Variants in MYH9 observed in about 807,000 individuals in gnomAD.
MYH9 encodes the protein myosin-9.
Under a neutral mutation model 241.9 loss-of-function variants are expected in MYH9, and 29 were observed. The observed-to-expected ratio is 0.12, with a 90% CI of 0.09 to 0.16. The LOEUF (loss-of-function observed/expected upper bound fraction) is 0.16, where lower values mean the gene tolerates loss of function less well. MYH9 is among the 10% of genes least tolerant of loss of function. MYH9 has a pLI of 1.00. For missense variants in MYH9, 1,803 were observed against 2,595.5 expected, an observed-to-expected ratio of 0.69 and a Z score of 6.63; for synonymous variants, 1,047 against 1,062.6, an observed-to-expected ratio of 0.99 and a Z score of 0.29.
chr22:36,368,026 C>T (rs149406389), intron 1 of MYH9, among the ~76,000 whole-genome samples: 4 of 152,316 alleles, frequency 2.6e-5, no homozygotes, highest in Middle Eastern at 3.4e-3. Context: ...CACATGCCTG[C>T]ATACAGACAC....
chr22:36,385,091 G>C (rs1255324053), intron 1 of MYH9, among the ~76,000 whole-genome samples: 1 of 152,034 alleles, frequency 6.6e-6, no homozygotes, highest in Non-Finnish European at 1.5e-5. Flanking sequence ...TAATTACGAC[G>C]ACACACAGAT....
At chr22:36,303,361 A>C (rs1411624574) in intron 19 of MYH9, among the ~76,000 whole-genome samples, 1 of 151,886 alleles carries the variant, frequency 6.6e-6, no homozygotes, top group Non-Finnish European at 1.5e-5. Context: ...CTTTAGGGAC[A>C]GGCAGGCTCT....
At chr22:36,374,780 G>T (rs1314623881) in intron 1 of MYH9, among the ~76,000 whole-genome samples, 1 of 152,194 alleles carries the variant, frequency 6.6e-6, no homozygotes. Context: ...AGGCTGGGTC[G>T]TGGCCTAAGG....
At chr22:36,345,241 G>C (rs540813290) in intron 2 of MYH9, among the ~76,000 whole-genome samples, 175 of 150,966 alleles carry the variant, frequency 1.2e-3, no homozygotes, top group African/African-American at 4.2e-3. Context: ...GAACCCGGGA[G>C]GCAGAGGTTG....
chr22:36,353,988 T>C (rs948700200), intron 1 of MYH9, among the ~76,000 whole-genome samples: 1 of 151,648 alleles, frequency 6.6e-6, no homozygotes, highest in Non-Finnish European at 1.5e-5. Context: ...GCAACCTCCA[T>C]CTCCTGGGTT....
intron 24 of MYH9, among the ~76,000 whole-genome samples, chr22:36,298,316 T>C (rs1446810610): frequency 2.0e-5 from 3 of 152,050 alleles, no homozygotes; most frequent in African/African-American, 7.3e-5. Context: ...CCTGTGCTTC[T>C]ACCCCAGCAC....
At position 36,305,442 on chromosome 22, in the gene MYH9, G is replaced by A. The variant is rs1043303049; in HGVS notation, c.2160-340C>T. ...CATGTTCACACAGCTTCCCTGGGAC[G>A]CTGCAGGGAGCTGCTAATAAACAGA... On this transcript the variant is annotated intron_variant, in intron 17 of 40. Coordinates refer to ENST00000216181, the MANE Select transcript of MYH9 (RefSeq NM_002473.6). The surrounding 1 kb of genome is among the most constrained non-coding windows in gnomAD (Gnocchi z 4.7). 1.3e-5 allele frequency among the ~76,000 whole-genome samples: 2 copies of A among 152,180 alleles called. No homozygotes were observed. The highest frequency in any genetic ancestry group is 2.4e-5 in the African/African-American group (1 of 41,446).
intron 19 of MYH9, among the ~76,000 whole-genome samples, chr22:36,303,091 G>C (rs553477711): frequency 3.9e-5 from 6 of 152,158 alleles, no homozygotes; most frequent in Admixed American, 3.3e-4. Context: ...GTGGGAGAAC[G>C]TCAGAAGCTG....
intron 18 of MYH9, among the ~76,000 whole-genome samples, chr22:36,304,616 C>A (rs2016939979): frequency 6.6e-6 from 1 of 152,184 alleles, no homozygotes. Flanking sequence ...TCCAGCACTG[C>A]GCTAGGGCTG....
chr22:36,313,310 G>C (rs1482927610), intron 13 of MYH9, among the ~76,000 whole-genome samples: 3 of 150,314 alleles, frequency 2.0e-5, no homozygotes, highest in South Asian at 2.1e-4. Context: ...AAATTAGCTG[G>C]GCGTGGTGGC....
intron 40 of MYH9, 28 bp downstream of exon 40, chr22:36,284,065 A>G (rs1393720021): frequency 4.4e-6 from 7 of 1,589,986 alleles, no homozygotes; most frequent in Non-Finnish European, 6.0e-6. Context: ...GTGCCGAGGC[A>G]AAGGGGCGGG....
intron 1 of MYH9, among the ~76,000 whole-genome samples, chr22:36,358,177 G>GC (rs2017885839): frequency 6.6e-6 from 1 of 152,130 alleles, no homozygotes; most frequent in East Asian, 1.9e-4. Flanking sequence ...CAATTCTCCT[G>GC]CCTCAGCCTC....
At position 36,326,564 on chromosome 22, in the gene MYH9, T is replaced by C; in HGVS notation, c.612+4A>G. Reference sequence around the variant, plus strand: ...GCCACAGGGACAAGGGCTGCAGCACTCACCTGGTCCTTCTTGCTCTTGTGC... The same window carrying C: ...GCCACAGGGACAAGGGCTGCAGCACCCACCTGGTCCTTCTTGCTCTTGTGC... On this transcript the variant is annotated splice_donor_region_variant and intron_variant, in intron 5 of 40. Coordinates refer to ENST00000216181, the MANE Select transcript of MYH9 (RefSeq NM_002473.6). 1 of 1,613,840 alleles carries C rather than the reference T, an allele frequency of 6.2e-7. No individual in the cohort carries two copies. The highest frequency in any genetic ancestry group is 8.5e-7 in the Non-Finnish European group (1 of 1,179,688).
rs2146327928 is a variant in MYH9, at chr22:36,285,153, T to C, written c.5451A>G (p.Ala1817=). ...CGTTGTCCAGCTGCTCCTCCAGCTG[T>C]GCAATCTTGGCCTCGAGGGCGGTGA... is the stretch of plus-strand genomic sequence containing the variant. ...ASITALEAKI[A]QLEEQLDNET... Residue 1817 remains alanine, a synonymous_variant, in exon 38 of 41, where the codon GCA becomes GCG. Transcript: ENST00000216181. This position sits in a 1 kb window ranked among gnomAD's most constrained non-coding sequence, Gnocchi z 7.0. 6.2e-7 allele frequency: 1 copy of C among 1,614,042 alleles called. No individual in the cohort carries two copies. The highest frequency in any genetic ancestry group is 8.5e-7 in the Non-Finnish European group (1 of 1,179,998).
Position 36,309,331 on chromosome 22 carries a change from T to C in MYH9, c.1794A>G (p.Thr598=), listed in dbSNP as rs371211555. 3 of 1,614,190 alleles carry C rather than the reference T, an allele frequency of 1.9e-6. No homozygotes were observed. Among genetic ancestry groups the C allele is most frequent in the South Asian group, 2.2e-5 (2 of 91,078 alleles). The part of the protein sequence containing the change: ...NMDPLNDNIA[T]LLHQSSDKFV... ...ACTTGTCAGAGGACTGGTGGAGCAG[T>C]GTGGCGATGTTGTCATTCAGGGGAT... The change falls in exon 15 of 41, where the codon ACA becomes ACG. Residue 598 remains threonine (T), a synonymous_variant. Transcript: ENST00000216181.
intron 1 of MYH9, among the ~76,000 whole-genome samples, chr22:36,371,301 T>G (rs1022871645): frequency 1.3e-5 from 2 of 152,150 alleles, no homozygotes; most frequent in African/African-American, 4.8e-5. Context: ...CCATGGCTGG[T>G]GTCCTTATAA....
intron 2 of MYH9, among the ~76,000 whole-genome samples, chr22:36,344,298 C>T (rs1178009734): frequency 6.6e-6 from 1 of 151,582 alleles, no homozygotes; most frequent in Non-Finnish European, 1.5e-5. Flanking sequence ...GCCCCCATCC[C>T]AGGGCCTCAC....
chr22:36,349,312 T>G, intron 1 of MYH9, 57 bp from the exon 2 acceptor site: 1 of 1,240,018 alleles, frequency 8.1e-7, no homozygotes, highest in African/African-American at 1.5e-5. Flanking sequence ...CCACACAAGA[T>G]CACTCATGCT....
rs1033067956 is a variant in MYH9, at chr22:36,299,070, T to C, written c.2977-28A>G. The stretch of plus-strand genomic sequence containing the variant: ...GGGGAGAGGGGAGTAGGCTGGCATT[T>C]AGTGTTGGTTGAGCACAGAACACTT... On this transcript the variant is annotated intron_variant, in intron 23 of 40. Coordinates refer to ENST00000216181, the MANE Select transcript of MYH9 (RefSeq NM_002473.6). 1.1e-5 allele frequency: 17 copies of C among 1,613,546 alleles called. No individual in the cohort carries two copies. The African/African-American group carries it at 1.9e-4, about 18-fold the overall frequency.
Sources: gnomAD v4.1 joint callset for allele counts (sites outside exome capture counted in the v4.1 genomes callset) on GRCh38, gnomAD v4.1.1 for gene constraint, Gnocchi (gnomAD v3.1) non-coding constraint, MANE v1.5 for transcripts, NCBI Gene and HGNC (gene_info 2026-07-23, HGNC 2026-07-21) for gene names.